DMD: variants seen among roughly 807,000 people sequenced by gnomAD.
DMD encodes mutant dystrophin.
In DMD, 63 loss-of-function variants were observed where a neutral mutation model predicts 330.1. The observed-to-expected ratio is 0.19, with a 90% confidence interval of 0.16 to 0.24. The LOEUF is 0.24. DMD is among the 10% of genes least tolerant of loss of function. The pLI is 1.00. For missense variants in DMD, 3,344 were observed against 2,684.1 expected, an observed-to-expected ratio of 1.25 and a Z score of -5.43; for synonymous variants, 1,223 against 959.8, an observed-to-expected ratio of 1.27 and a Z score of -5.07.
intron 1 of DMD, among the ~76,000 whole-genome samples, chrX:33,045,751 G>A (rs2094372308): frequency 9.0e-6 from 1 of 111,388 alleles, no homozygotes; most frequent in African/African-American, 3.3e-5. Flanking sequence ...AAGAGAAGGA[G>A]GTTCTGGAGC....
At chrX:32,418,245 C>A (rs2098173919) in intron 29 of DMD, among the ~76,000 whole-genome samples, 1 of 111,301 alleles carries the variant, frequency 9.0e-6, no homozygotes, top group Admixed American at 9.6e-5. Flanking sequence ...AAACTACTAA[C>A]ACAGTCCACG....
chrX:32,311,473 GA>G (rs2097562206), intron 41 of DMD, among the ~76,000 whole-genome samples: 1 of 111,110 alleles, frequency 9.0e-6, no homozygotes, highest in Non-Finnish European at 1.9e-5. Flanking sequence ...ATTCTTACAT[GA>G]TATAAAAAAT....
At chrX:32,095,690 G>A (rs1376254586) in intron 44 of DMD, among the ~76,000 whole-genome samples, 1 of 111,841 alleles carries the variant, frequency 8.9e-6, no homozygotes, top group Non-Finnish European at 1.9e-5. Context: ...GAAAATAAAT[G>A]TCAATCTTGC....
intron 1 of DMD, among the ~76,000 whole-genome samples, chrX:33,161,534 C>T (rs1334964033): frequency 9.0e-6 from 1 of 111,450 alleles, no homozygotes; most frequent in Non-Finnish European, 1.9e-5. Context: ...AACAACACAA[C>T]CAAATTTACG....
intron 73 of DMD, among the ~76,000 whole-genome samples, chrX:31,171,959 C>G (rs972332427): frequency 8.9e-6 from 1 of 111,808 alleles, no homozygotes; most frequent in African/African-American, 3.2e-5. Flanking sequence ...GATCACGTTT[C>G]CACTCCCCAT....
At chrX:31,228,655 G>A (rs1292610906) in intron 63 of DMD, among the ~76,000 whole-genome samples, 2 of 111,441 alleles carry the variant, frequency 1.8e-5, no homozygotes, top group African/African-American at 3.3e-5. Context: ...CCCCATTCCC[G>A]TGCCCCATGA....
intron 1 of DMD, among the ~76,000 whole-genome samples, chrX:33,281,167 G>A (rs892102365): frequency 1.8e-5 from 2 of 108,852 alleles, no homozygotes; most frequent in Non-Finnish European, 3.8e-5. Context: ...AGTTTTATAT[G>A]TAAGAGTTTC....
intron 9 of DMD, among the ~76,000 whole-genome samples, chrX:32,650,473 G>C (rs2060076086): frequency 9.0e-6 from 1 of 111,203 alleles, no homozygotes; most frequent in African/African-American, 3.3e-5. Flanking sequence ...GATTACAGAG[G>C]GATAACCAAG....
intron 55 of DMD, among the ~76,000 whole-genome samples, chrX:31,600,510 GTTT>G (rs1177947507): frequency 2.2e-4 from 11 of 50,470 alleles, no homozygotes; most frequent in African/African-American, 8.7e-4. Flanking sequence ...GCCAACTATG[GTTT>G]TTTTTTTTTT....
At chrX:32,433,649 G>A (rs763392595) in intron 29 of DMD, among the ~76,000 whole-genome samples, 1 of 111,441 alleles carries the variant, frequency 9.0e-6, no homozygotes, top group Admixed American at 9.5e-5. Flanking sequence ...TTGTACTCTA[G>A]CCTGGGCAAC....
chrX:31,223,179 A>AC (rs1392804795), intron 63 of DMD, 58 bp from the exon 64 acceptor site: 1 of 1,036,746 alleles, frequency 9.6e-7, no homozygotes, highest in Non-Finnish European at 1.4e-6. Flanking sequence ...CAGACAACCC[A>AC]CCCCCGACGC....
chrX:32,284,505 G>A (rs2097432097), intron 43 of DMD, among the ~76,000 whole-genome samples: 1 of 111,803 alleles, frequency 8.9e-6, no homozygotes, highest in East Asian at 2.8e-4. Flanking sequence ...AGAACCATAA[G>A]ATCACCATTT....
At chrX:32,729,461 G>A (rs1353083379) in intron 7 of DMD, among the ~76,000 whole-genome samples, 1 of 111,764 alleles carries the variant, frequency 8.9e-6, no homozygotes, top group South Asian at 3.8e-4. Context: ...TTCTATGTAT[G>A]TATCTTCTGC....
At chrX:31,222,121 G>A (rs1030729572) in intron 64 of DMD, among the ~76,000 whole-genome samples, 2 of 110,855 alleles carry the variant, frequency 1.8e-5, no homozygotes, top group Admixed American at 1.9e-4. Context: ...GCGTGAACCC[G>A]GGAGGTGGAG....
chrX:32,200,875 G>GAGAC (rs941822051), intron 44 of DMD, among the ~76,000 whole-genome samples: 2 of 111,485 alleles, frequency 1.8e-5, no homozygotes, highest in Non-Finnish European at 3.8e-5. Flanking sequence ...GCTCTAAAGA[G>GAGAC]AGACCTCACA....
At position 33,024,595 on chromosome X, in the gene DMD, T is replaced by TA. The variant is rs766621162; in HGVS notation, c.32-4396dup. ...CTAATAAAGTTATTTTTATTCAGTA[T>TA]ATGTGGCCTTTCATATTTTTTAAGA... is the stretch of plus-strand genomic sequence containing the variant. On this transcript the variant is annotated intron_variant, in intron 1 of 78. Transcript: ENST00000357033. Among the ~76,000 whole-genome samples, 6 of 112,409 alleles carry TA rather than the reference T, an allele frequency of 5.3e-5. No individual in the cohort carries two copies. The East Asian group carries it at 1.7e-3, about 31-fold the overall frequency.
chrX:31,721,245 T>C (rs1310649762), intron 52 of DMD, among the ~76,000 whole-genome samples: 2 of 111,611 alleles, frequency 1.8e-5, no homozygotes, highest in Non-Finnish European at 3.8e-5. Context: ...AAATTTTATG[T>C]GTTAACTTGG....
intron 63 of DMD, among the ~76,000 whole-genome samples, chrX:31,235,323 T>C (rs2047617667): frequency 8.9e-6 from 1 of 112,518 alleles, no homozygotes; most frequent in Admixed American, 9.4e-5. Flanking sequence ...GGAAATTTCC[T>C]ACATAAGCCA....
At chrX:31,589,974 C>A (rs1402137746) in intron 55 of DMD, among the ~76,000 whole-genome samples, 1 of 111,148 alleles carries the variant, frequency 9.0e-6, no homozygotes, top group Non-Finnish European at 1.9e-5. Context: ...AAGTATCAAG[C>A]CATGTGCCAT....
Sources: gnomAD v4.1 joint callset for allele counts (sites outside exome capture counted in the v4.1 genomes callset) on GRCh38, gnomAD v4.1.1 for gene constraint, MANE v1.5 for transcripts, NCBI Gene and HGNC (gene_info 2026-07-23, HGNC 2026-07-21) for gene names.